ATRN: variants seen among roughly 807,000 people sequenced by gnomAD.
ATRN encodes attractin-2.
Under a neutral mutation model 178.7 loss-of-function variants are expected in ATRN, and 54 were observed. The ratio of observed to expected loss-of-function variants is 0.30; its 90% CI spans 0.24 to 0.38. The LOEUF is 0.38. ATRN is among the 10% of genes least tolerant of loss of function. The pLI, the probability that ATRN is intolerant of heterozygous loss-of-function variation, is 1.00. For missense variants in ATRN, 1,443 were observed against 1,815.1 expected (o/e 0.79, Z 3.73); for synonymous variants, 636 against 663.0 (o/e 0.96, Z 0.63).
intron 1 of ATRN, chr20:3,489,409 A>C: frequency 1.5e-6 from 1 of 670,230 alleles, no homozygotes; most frequent in Non-Finnish European, 2.7e-6. Context: ...TACAGGATGC[A>C]TGCTAGACCA....
At chr20:3,520,039 G>T (rs963845707) in intron 1 of ATRN, among the ~76,000 whole-genome samples, 2 of 152,178 alleles carry the variant, frequency 1.3e-5, no homozygotes, top group African/African-American at 4.8e-5. Flanking sequence ...AGAAGAGAGT[G>T]AAGAGCGGTG....
At chr20:3,529,902 T>C (rs2085427031) in intron 1 of ATRN, among the ~76,000 whole-genome samples, 1 of 152,144 alleles carries the variant, frequency 6.6e-6, no homozygotes. Flanking sequence ...TAAAATACTG[T>C]CAGGTTAGTT....
At chr20:3,631,230 G>A (rs1263066101) in intron 25 of ATRN, among the ~76,000 whole-genome samples, 1 of 152,016 alleles carries the variant, frequency 6.6e-6, no homozygotes, top group African/African-American at 2.4e-5. Flanking sequence ...GATTACCAGC[G>A]TGAGCCACTG....
intron 1 of ATRN, among the ~76,000 whole-genome samples, chr20:3,516,787 T>C (rs2085211381): frequency 6.6e-6 from 1 of 152,098 alleles, no homozygotes; most frequent in African/African-American, 2.4e-5. Context: ...GTTTCCAGCT[T>C]CACCCATGTC....
intron 9 of ATRN, 26 bp downstream of exon 9, chr20:3,562,485 C>T (rs200211700): frequency 1.6e-5 from 25 of 1,609,186 alleles, no homozygotes; most frequent in Non-Finnish European, 2.0e-5. Context: ...TGAGCTTTCA[C>T]TTTAAGGTGT....
intron 24 of ATRN, among the ~76,000 whole-genome samples, chr20:3,605,121 C>G (rs1214186547): frequency 6.6e-6 from 1 of 152,072 alleles, no homozygotes; most frequent in Non-Finnish European, 1.5e-5. Context: ...GCATAATCAA[C>G]CTCAGAAGCA....
chr20:3,480,326 T>G (rs563910931), intron 1 of ATRN, among the ~76,000 whole-genome samples: 7 of 152,308 alleles, frequency 4.6e-5, no homozygotes, highest in Non-Finnish European at 1.0e-4. Flanking sequence ...TAGAAGGACA[T>G]GTGTTGCCTT....
intron 1 of ATRN, among the ~76,000 whole-genome samples, chr20:3,525,473 A>C (rs1453103124): frequency 6.6e-6 from 1 of 152,252 alleles, no homozygotes; most frequent in South Asian, 2.1e-4. Flanking sequence ...CCAGAGGTAC[A>C]AAGAGGAGCT....
At chr20:3,617,113 C>G (rs770779706) in intron 24 of ATRN, among the ~76,000 whole-genome samples, 1 of 152,128 alleles carries the variant, frequency 6.6e-6, no homozygotes, top group African/African-American at 2.4e-5. Context: ...GGAGCCGACA[C>G]CTTTTTCTGA....
In ATRN at chr20:3,556,582, T is replaced by C. The variant is rs1425526802; in HGVS notation, c.1113-2811T>C. On this transcript the variant is annotated intron_variant, in intron 6 of 28. Coordinates refer to ENST00000262919, the MANE Select transcript of ATRN (RefSeq NM_139321.3). Reference sequence around the variant, plus strand: ...GGGGTCGAGGGAGGTGCTGTCACTCTATGGAAGACATCTTTTTCTGAATTT... The same window carrying C: ...GGGGTCGAGGGAGGTGCTGTCACTCCATGGAAGACATCTTTTTCTGAATTT... Among the ~76,000 whole-genome samples the C allele has an allele frequency of 2.0e-5, 3 of 152,236 alleles. No homozygotes were observed. In the East Asian group the frequency reaches 5.8e-4, roughly 29 times the overall value.
chr20:3,604,148 C>G lies in ATRN; in HGVS notation c.3687C>G (p.Thr1229=), dbSNP rs1457490432. 6.2e-7 allele frequency: 1 copy of G among 1,601,336 alleles called. No individual in the cohort carries two copies. The highest frequency in any genetic ancestry group is 1.1e-5 in the South Asian group (1 of 87,736). ...AGEEMPVVSK[T]NIKEYKDSFS... ...AAGAGATGCCTGTTGTTTCAAAAAC[C>G]AACATTAAGGAGTACAAAGATAGTT... Residue 1229 remains threonine, a synonymous_variant, in exon 24 of 29, where the codon ACC becomes ACG. Transcript: ENST00000262919.
chr20:3,566,917 A>AAAG (rs1411199044), intron 11 of ATRN, among the ~76,000 whole-genome samples: 10 of 151,536 alleles, frequency 6.6e-5, no homozygotes, highest in South Asian at 2.1e-4. Flanking sequence ...AAAAAAAAAA[A>AAAG]AAAAAAAGGA....
intron 24 of ATRN, among the ~76,000 whole-genome samples, chr20:3,609,394 A>G (rs1600153986): frequency 6.6e-6 from 1 of 152,158 alleles, no homozygotes; most frequent in African/African-American, 2.4e-5. Flanking sequence ...GTATCCTGCA[A>G]CTTTACTGAG....
rs1226083609 is a variant in ATRN at position 3,646,941 on chromosome 20, T to C, written c.*94T>C. 4 of 1,489,204 alleles carry C rather than the reference T, an allele frequency of 2.7e-6. No homozygotes were observed. Among genetic ancestry groups the C allele is most frequent in the African/African-American group, 1.4e-5 (1 of 71,724 alleles). 92.2% of individuals were successfully genotyped at this position (1,489,204 alleles called of 1,614,324 possible). The stretch of plus-strand genomic sequence containing the variant: ...GCGTGGCGGGGAAATGGCTGTGCGG[T>C]GCGGGACGGAAGACTGGAAACCCTC... On this transcript the variant is annotated 3_prime_UTR_variant, in exon 29 of 29. Transcript: ENST00000262919.
chr20:3,587,261 C>G (rs2086370852), intron 18 of ATRN, among the ~76,000 whole-genome samples: 1 of 151,984 alleles, frequency 6.6e-6, no homozygotes, highest in African/African-American at 2.4e-5. Context: ...TTTATTTTAT[C>G]CCATGTGCTT....
Position 3,575,842 on chromosome 20 carries a change from G to T in ATRN, c.2108G>T (p.Arg703Ile). Residue 703 changes from arginine (R) to isoleucine (I), a missense_variant, in exon 13 of 29, where the codon AGA becomes ATA. Physicochemically the swap from Arg to Ile is moderately conservative, Grantham distance 97. Transcript: ENST00000262919. ...TTCTTTGCAGCTCTTGACCATGACA[G>T]ATGTGACCAGCACACAGATTGTTAC... is the stretch of plus-strand genomic sequence containing the variant. ...CFSKRTLDHDRCDQHTDCYSC... is the reference protein window; with the variant it reads ...CFSKRTLDHDICDQHTDCYSC... 1 of 1,612,240 alleles carries T rather than the reference G, an allele frequency of 6.2e-7. No homozygotes were observed. Among genetic ancestry groups the T allele is most frequent in the Non-Finnish European group, 8.5e-7 (1 of 1,179,080 alleles).
chr20:3,506,340 C>G (rs929748249), intron 1 of ATRN, among the ~76,000 whole-genome samples: 1 of 152,096 alleles, frequency 6.6e-6, no homozygotes, highest in East Asian at 1.9e-4. Flanking sequence ...AGTAAATGCA[C>G]TGGCCTGGCA....
At chr20:3,488,582 C>T (rs551044671) in intron 1 of ATRN, among the ~76,000 whole-genome samples, 2 of 152,128 alleles carry the variant, frequency 1.3e-5, no homozygotes, top group African/African-American at 4.8e-5. Context: ...TCCTTTGGTC[C>T]GTTTGTCTAT....
intron 27 of ATRN, among the ~76,000 whole-genome samples, chr20:3,641,676 A>G (rs2087070328): frequency 6.6e-6 from 1 of 151,768 alleles, no homozygotes; most frequent in South Asian, 2.1e-4. Context: ...AAGTCAGAAG[A>G]GAGTGAGAGA....
Sources: allele counts gnomAD v4.1 joint callset (sites outside exome capture counted in the v4.1 genomes callset), GRCh38; gene constraint gnomAD v4.1.1; transcripts MANE v1.5; gene names NCBI Gene and HGNC (gene_info 2026-07-23, HGNC 2026-07-21).